VTA1: variants seen among roughly 807,000 people sequenced by gnomAD.
The protein encoded by VTA1 is vesicle trafficking 1.
In VTA1, 24 loss-of-function variants were observed where a neutral mutation model predicts 36.9. The observed-to-expected ratio is 0.65, with a 90% CI of 0.47 to 0.91. VTA1 has a LOEUF of 0.91. Among genes scored for constraint, VTA1 ranks in the 40% least tolerant of loss-of-function variants. The pLI is 0.00. For synonymous variants in VTA1, 142 were observed against 130.2 expected (o/e 1.09, Z -0.62); for missense variants, 393 against 377.2 (o/e 1.04, Z -0.35).
At chr6:142,189,958 T>C (rs369275653) in intron 5 of VTA1, among the ~76,000 whole-genome samples, 93 of 152,180 alleles carry the variant, frequency 6.1e-4, no homozygotes, top group East Asian at 5.2e-3. Context: ...GGGGTTTCAC[T>C]GTGTTAGACA....
chr6:142,151,017 A>AGT (rs1778558330), intron 1 of VTA1, among the ~76,000 whole-genome samples: 1 of 151,498 alleles, frequency 6.6e-6, no homozygotes, highest in Non-Finnish European at 1.5e-5. Flanking sequence ...AGTCACCTGG[A>AGT]ATTGTATATG....
intron 4 of VTA1, among the ~76,000 whole-genome samples, chr6:142,175,121 T>C (rs886986440): frequency 3.9e-5 from 6 of 152,232 alleles, no homozygotes; most frequent in African/African-American, 1.2e-4. Context: ...TTATTTTTAC[T>C]TAAAATTCCA....
At chr6:142,198,117 A>ATCTGTG in intron 5 of VTA1, among the ~76,000 whole-genome samples, 1 of 78,668 alleles carries the variant, frequency 1.3e-5, no homozygotes, top group Admixed American at 1.2e-4. Flanking sequence ...ATATATATAT[A>ATCTGTG]TATGTGTGTG....
At chr6:142,195,580 T>C (rs1775528290) in intron 5 of VTA1, among the ~76,000 whole-genome samples, 1 of 147,272 alleles carries the variant, frequency 6.8e-6, no homozygotes, top group Admixed American at 6.9e-5. Flanking sequence ...TGCACCACAC[T>C]TGGAGTTTAA....
rs1374821348 is a variant in VTA1 at position 142,166,421 on chromosome 6, A to G, written c.207+99A>G. 8 of 824,010 alleles carry G rather than the reference A, an allele frequency of 9.7e-6. No individual in the cohort carries two copies. The African/African-American group carries it at 1.2e-4, about 12-fold the overall frequency. 51.0% of individuals were successfully genotyped at this position (824,010 alleles called of 1,614,324 possible). On this transcript the variant is annotated intron_variant, in intron 2 of 7. Coordinates refer to ENST00000367630, the MANE Select transcript of VTA1 (RefSeq NM_016485.5). ...GTCATTTTAGTTCTTTCCCTTGGCA[A>G]CAATCAAACAAAGCCATTATACCTG... is the stretch of plus-strand genomic sequence containing the variant.
At chr6:142,163,465 G>C (rs1317291402) in intron 1 of VTA1, among the ~76,000 whole-genome samples, 1 of 152,056 alleles carries the variant, frequency 6.6e-6, no homozygotes, top group Non-Finnish European at 1.5e-5. Context: ...TACTCTTTTG[G>C]CTAGGTATGT....
intron 5 of VTA1, among the ~76,000 whole-genome samples, chr6:142,194,906 C>T (rs553898837): frequency 3.3e-5 from 5 of 152,090 alleles, no homozygotes; most frequent in African/African-American, 9.6e-5. Context: ...TTAAAATTAT[C>T]ATAGGACTTT....
At chr6:142,155,976 G>C (rs1392164763) in intron 1 of VTA1, among the ~76,000 whole-genome samples, 1 of 152,172 alleles carries the variant, frequency 6.6e-6, no homozygotes, top group Non-Finnish European at 1.5e-5. Context: ...TAGGCCACTA[G>C]AGATATTTAC....
chr6:142,202,518 A>G (rs1230606917), intron 6 of VTA1, among the ~76,000 whole-genome samples: 5 of 152,036 alleles, frequency 3.3e-5, no homozygotes, highest in African/African-American at 1.2e-4. Flanking sequence ...ACAGATTTAT[A>G]CGTATTAATC....
At chr6:142,174,700 G>A (rs1329062954) in intron 4 of VTA1, among the ~76,000 whole-genome samples, 1 of 152,188 alleles carries the variant, frequency 6.6e-6, no homozygotes, top group Non-Finnish European at 1.5e-5. Context: ...CCTCAGTGTT[G>A]GAGGTGAGGC....
chr6:142,159,246 C>G (rs996630070), intron 1 of VTA1, among the ~76,000 whole-genome samples: 3 of 151,906 alleles, frequency 2.0e-5, no homozygotes, highest in Admixed American at 2.0e-4. Flanking sequence ...CACCTGTAGT[C>G]TCAGCTACTT....
intron 1 of VTA1, among the ~76,000 whole-genome samples, chr6:142,165,903 T>C (rs1281175967): frequency 6.6e-6 from 1 of 152,054 alleles, no homozygotes; most frequent in Non-Finnish European, 1.5e-5. Context: ...CTCTTGTACA[T>C]ATGGTTGTTT....
intron 4 of VTA1, among the ~76,000 whole-genome samples, chr6:142,180,832 C>G (rs1775212254): frequency 6.6e-6 from 1 of 151,664 alleles, no homozygotes; most frequent in Non-Finnish European, 1.5e-5. Context: ...CATTTTACAG[C>G]TTGGTTGGTA....
At position 142,218,813 on chromosome 6, in the gene VTA1, C is replaced by T. The variant is rs1776050686; in HGVS notation, c.*170C>T. 2.8e-6 allele frequency: 2 copies of T among 721,832 alleles called. No homozygotes were observed. Among genetic ancestry groups the T allele is most frequent in the East Asian group, 6.4e-5 (2 of 31,294 alleles). 44.7% of individuals were successfully genotyped at this position (721,832 alleles called of 1,614,324 possible). The stretch of plus-strand genomic sequence containing the variant: ...TTGAAGCATTCATCAGCAGCCTCAA[C>T]CAGTTTTCATTGTCCATTTACTAGA... On this transcript the variant is annotated 3_prime_UTR_variant, in exon 8 of 8. Coordinates refer to ENST00000367630, the MANE Select transcript of VTA1 (RefSeq NM_016485.5).
intron 4 of VTA1, among the ~76,000 whole-genome samples, chr6:142,183,779 A>C (rs966057243): frequency 6.6e-6 from 1 of 152,346 alleles, no homozygotes; most frequent in Admixed American, 6.5e-5. Context: ...CAACTGCCGG[A>C]AATTTCTGCT....
intron 7 of VTA1, among the ~76,000 whole-genome samples, chr6:142,216,721 G>C (rs1473106493): frequency 6.6e-6 from 1 of 152,086 alleles, no homozygotes; most frequent in African/African-American, 2.4e-5. Context: ...TAGTAACAGA[G>C]TTCTTGCCAT....
At chr6:142,151,480 A>G (rs1778567283) in intron 1 of VTA1, among the ~76,000 whole-genome samples, 1 of 152,224 alleles carries the variant, frequency 6.6e-6, no homozygotes, top group South Asian at 2.1e-4. Flanking sequence ...ACCTTGTTTC[A>G]TCCAAACAAG....
chr6:142,195,775 AT>A (rs1277909052), intron 5 of VTA1, among the ~76,000 whole-genome samples: 1 of 151,474 alleles, frequency 6.6e-6, no homozygotes, highest in East Asian at 1.9e-4. Flanking sequence ...TTTCTTTGTG[AT>A]TTCTTCTTTG....
intron 1 of VTA1, among the ~76,000 whole-genome samples, 197 bp downstream of exon 1, chr6:142,147,596 C>T (rs1396113780): frequency 1.3e-5 from 2 of 152,248 alleles, no homozygotes; most frequent in African/African-American, 2.4e-5. Flanking sequence ...TCCACTGCTT[C>T]TCCTATCTTG....
Sources: gnomAD v4.1 joint callset for allele counts (sites outside exome capture counted in the v4.1 genomes callset) on GRCh38, gnomAD v4.1.1 for gene constraint, MANE v1.5 for transcripts, NCBI Gene and HGNC (gene_info 2026-07-23, HGNC 2026-07-21) for gene names.